Variants in DIAPH2 observed in about 807,000 individuals in gnomAD.
The protein encoded by DIAPH2 is protein diaphanous homolog 2.
Under a neutral mutation model 92.7 loss-of-function variants are expected in DIAPH2, and 35 were observed. That is an observed-to-expected ratio of 0.38 (90% CI 0.29 to 0.50). The LOEUF (loss-of-function observed/expected upper bound fraction) is 0.50, where lower values mean the gene tolerates loss of function less well. DIAPH2 is among the 20% of genes least tolerant of loss of function. The probability of loss-of-function intolerance (pLI) is 0.94; values close to 1 mark genes in which losing one functional copy is unlikely to be tolerated. For missense variants in DIAPH2, 701 were observed against 819.5 expected, an observed-to-expected ratio of 0.86 and a Z score of 1.77; for synonymous variants, 301 against 280.4, an observed-to-expected ratio of 1.07 and a Z score of -0.73.
At chrX:97,463,402 A>T (rs778740167) in intron 26 of DIAPH2, among the ~76,000 whole-genome samples, 14 of 100,713 alleles carry the variant, frequency 1.4e-4, no homozygotes, top group African/African-American at 4.7e-4. Flanking sequence ...TTTTATTATT[A>T]TTTTTTTGAG....
chrX:97,407,437 C>G (rs2069821205), intron 25 of DIAPH2, among the ~76,000 whole-genome samples: 1 of 111,136 alleles, frequency 9.0e-6, no homozygotes, highest in Non-Finnish European at 1.9e-5. Context: ...TGGAAGATAC[C>G]TTACAATTCT....
intron 23 of DIAPH2, among the ~76,000 whole-genome samples, chrX:97,256,404 G>A (rs769890035): frequency 1.2e-4 from 13 of 112,112 alleles, no homozygotes; most frequent in African/African-American, 1.9e-4. Context: ...TATGAAACAC[G>A]TGGTATCTTA....
At chrX:97,510,429 A>G (rs1484600685) in intron 26 of DIAPH2, among the ~76,000 whole-genome samples, 128 of 111,086 alleles carry the variant, frequency 1.2e-3, no homozygotes, top group African/African-American at 3.9e-3. Flanking sequence ...AGATGAGTAG[A>G]TTGCGAAAAT....
chrX:96,824,591 A>G (rs755104305), intron 4 of DIAPH2, among the ~76,000 whole-genome samples: 3 of 111,784 alleles, frequency 2.7e-5, no homozygotes, highest in African/African-American at 3.2e-5. Flanking sequence ...TGCTAGTTCA[A>G]TTTATCTACA....
chrX:97,397,982 A>G (rs888991955), intron 25 of DIAPH2, among the ~76,000 whole-genome samples: 1 of 112,544 alleles, frequency 8.9e-6, no homozygotes, highest in Admixed American at 9.4e-5. Flanking sequence ...AGGTGCATTT[A>G]AACAATCCAA....
At chrX:96,888,753 T>C (rs781675351) in intron 5 of DIAPH2, among the ~76,000 whole-genome samples, 1 of 107,728 alleles carries the variant, frequency 9.3e-6, no homozygotes, top group East Asian at 2.9e-4. Context: ...AATGTACATA[T>C]ACAATCAGGA....
chrX:96,779,425 C>T (rs962622936), intron 4 of DIAPH2, among the ~76,000 whole-genome samples: 7 of 111,860 alleles, frequency 6.3e-5, no homozygotes, highest in Non-Finnish European at 1.3e-4. Flanking sequence ...TACTTTTCCC[C>T]CTAGAAGAAA....
intron 17 of DIAPH2, among the ~76,000 whole-genome samples, chrX:96,991,500 G>A (rs2066070659): frequency 9.4e-6 from 1 of 106,147 alleles, no homozygotes; most frequent in Admixed American, 1.0e-4. Context: ...TAATAAATGG[G>A]GACATAGTGA....
intron 20 of DIAPH2, among the ~76,000 whole-genome samples, chrX:97,105,469 A>G (rs1048028378): frequency 9.0e-6 from 1 of 111,368 alleles, no homozygotes; most frequent in Admixed American, 9.5e-5. Flanking sequence ...CCTCCAACCT[A>G]CCTCCCACAG....
intron 22 of DIAPH2, among the ~76,000 whole-genome samples, chrX:97,162,027 A>G (rs2147441109): frequency 9.0e-6 from 1 of 110,813 alleles, no homozygotes; most frequent in Non-Finnish European, 1.9e-5. Context: ...GTATCTCTTT[A>G]TTATTGCTTT....
At chrX:96,703,215 C>T (rs1278675232) in intron 1 of DIAPH2, among the ~76,000 whole-genome samples, 1 of 111,427 alleles carries the variant, frequency 9.0e-6, no homozygotes. Flanking sequence ...ATTCTATAAC[C>T]CATGTAGAGT....
At chrX:97,455,779 A>C (rs2070398645) in intron 26 of DIAPH2, among the ~76,000 whole-genome samples, 1 of 112,263 alleles carries the variant, frequency 8.9e-6, no homozygotes, top group African/African-American at 3.2e-5. Flanking sequence ...GTATGTTTGT[A>C]GCTTTAGTTG....
At chrX:97,363,614 C>T (rs1307375216) in intron 24 of DIAPH2, among the ~76,000 whole-genome samples, 5 of 98,020 alleles carry the variant, frequency 5.1e-5, no homozygotes, top group East Asian at 3.2e-4. Context: ...TGCTGTGAGC[C>T]GATATCACGC....
chrX:97,383,671 A>T (rs1432869046), intron 24 of DIAPH2, among the ~76,000 whole-genome samples: 1 of 108,478 alleles, frequency 9.2e-6, no homozygotes, highest in African/African-American at 3.3e-5. Flanking sequence ...TTTTACAATT[A>T]ATTGTCTCTC....
intron 4 of DIAPH2, among the ~76,000 whole-genome samples, chrX:96,782,542 G>T (rs1000127341): frequency 1.8e-5 from 2 of 111,057 alleles, no homozygotes; most frequent in South Asian, 3.8e-4. Context: ...CTCGTGATCC[G>T]CCCGCCTCGG....
At chrX:96,962,478 TACACACACACACACACAC>T (rs1159716286) in intron 16 of DIAPH2, among the ~76,000 whole-genome samples, 5 of 25,199 alleles carry the variant, frequency 2.0e-4, no homozygotes, top group African/African-American at 6.6e-4. Flanking sequence ...CATATATATA[TACACACACACACACACAC>T]ATATATATAT....
intron 24 of DIAPH2, among the ~76,000 whole-genome samples, chrX:97,381,280 G>A (rs982860282): frequency 9.0e-6 from 1 of 110,953 alleles, no homozygotes; most frequent in African/African-American, 3.3e-5. Flanking sequence ...TCAAAATGTG[G>A]TTTTGATTTG....
chrX:96,884,964 G>A (rs781437665), intron 5 of DIAPH2: 2 of 1,211,056 alleles, frequency 1.7e-6, no homozygotes, highest in South Asian at 3.5e-5. Flanking sequence ...AGGAAGGGAA[G>A]AGCATCCATG....
chrX:96,795,548 C>T (rs1035971030), intron 4 of DIAPH2, among the ~76,000 whole-genome samples: 12 of 111,839 alleles, frequency 1.1e-4, no homozygotes, highest in African/African-American at 2.9e-4. Context: ...AGAGGCACAG[C>T]GAAATCCCCA....
Sources: gnomAD v4.1 joint callset for allele counts (sites outside exome capture counted in the v4.1 genomes callset) on GRCh38, gnomAD v4.1.1 for gene constraint, MANE v1.5 for transcripts, NCBI Gene and HGNC (gene_info 2026-07-23, HGNC 2026-07-21) for gene names.